ZNF385D: variants seen among roughly 807,000 people sequenced by gnomAD.
ZNF385D encodes the protein zinc finger protein 659.
A neutral mutation model predicts 35.8 loss-of-function variants in ZNF385D; 15 were observed. The observed-to-expected ratio is 0.42, with a 90% confidence interval of 0.28 to 0.64. The LOEUF (loss-of-function observed/expected upper bound fraction) is 0.64, where lower values mean the gene tolerates loss of function less well. ZNF385D is among the 30% of genes least tolerant of loss of function. The pLI, the probability that ZNF385D is intolerant of heterozygous loss-of-function variation, is 0.23. For missense variants in ZNF385D, 474 were observed against 494.6 expected (o/e 0.96, Z 0.39); for synonymous variants, 212 against 186.8 (o/e 1.13, Z -1.10).
rs558533264 is a variant in ZNF385D, at chr3:21,719,864, A to C, written c.22+31031T>G. On this transcript the variant is annotated intron_variant, in intron 1 of 7. Coordinates refer to ENST00000281523, the MANE Select transcript of ZNF385D (RefSeq NM_024697.3). The stretch of plus-strand genomic sequence containing the variant: ...TTGTTTAAATTCTTTTAAACTAAGA[A>C]GACAAGAACCCAGATAGTACATCAG... Among the ~76,000 whole-genome samples, 6 of 152,356 alleles carry C rather than the reference A, an allele frequency of 3.9e-5. 1 individual carries two copies. Among genetic ancestry groups the C allele is most frequent in the African/African-American group, 1.4e-4 (6 of 41,584 alleles).
chr3:21,570,520 A>G (rs1436753589), intron 2 of ZNF385D, among the ~76,000 whole-genome samples: 4 of 152,208 alleles, frequency 2.6e-5, no homozygotes, highest in Non-Finnish European at 5.9e-5. Context: ...CTTAAACCAA[A>G]GAATAATAAA....
intron 3 of ZNF385D, among the ~76,000 whole-genome samples, chr3:21,538,389 A>C (rs998577665): frequency 6.6e-6 from 1 of 152,194 alleles, no homozygotes; most frequent in African/African-American, 2.4e-5. Flanking sequence ...TTTTGAGAGA[A>C]TATATCTCTC....
At position 21,419,986 on chromosome 3, in the gene ZNF385D, G is replaced by A. The variant is rs1350656269; in HGVS notation, c.*1228C>T. The stretch of plus-strand genomic sequence containing the variant: ...ACTCCACTGGAGAAATAATTGTCGA[G>A]TGGAACTTACCAGTATTTTTTAACA... On this transcript the variant is annotated 3_prime_UTR_variant, in exon 8 of 8. Transcript: ENST00000281523. 1 of 152,072 alleles carries A rather than the reference G, an allele frequency of 6.6e-6. No homozygotes were observed. Among genetic ancestry groups the A allele is most frequent in the Non-Finnish European group, 1.5e-5 (1 of 68,006 alleles). The allele number at this position is 152,072 out of a possible 1,614,324, so 9.4% of individuals were successfully genotyped here.
intron 3 of ZNF385D, among the ~76,000 whole-genome samples, chr3:21,869,705 T>C (rs978008338): frequency 1.3e-5 from 2 of 152,104 alleles, no homozygotes; most frequent in African/African-American, 4.8e-5. Flanking sequence ...AAAAATAAAA[T>C]ATTTTATGAA....
At chr3:21,628,849 C>T (rs2125829982) in intron 2 of ZNF385D, among the ~76,000 whole-genome samples, 1 of 152,160 alleles carries the variant, frequency 6.6e-6, no homozygotes, top group East Asian at 1.9e-4. Flanking sequence ...TACTATGTGC[C>T]AGTGACTCTA....
intron 3 of ZNF385D, among the ~76,000 whole-genome samples, chr3:21,883,272 A>C (rs1167682757): frequency 1.3e-5 from 2 of 151,900 alleles, no homozygotes; most frequent in Non-Finnish European, 2.9e-5. Flanking sequence ...TTGACTTATA[A>C]ACTTAAAGAT....
intron 2 of ZNF385D, among the ~76,000 whole-genome samples, chr3:22,250,727 TAC>T (rs1700019509): frequency 6.6e-6 from 1 of 152,072 alleles, no homozygotes; most frequent in Admixed American, 6.6e-5. Context: ...CTGCCCTGGC[TAC>T]AAAACAGTTA....
intron 2 of ZNF385D, among the ~76,000 whole-genome samples, chr3:22,184,311 C>T (rs1695481743): frequency 6.6e-6 from 1 of 152,140 alleles, no homozygotes; most frequent in Non-Finnish European, 1.5e-5. Context: ...GTCAGGGCAA[C>T]ATGGTGTTTT....
intron 2 of ZNF385D, among the ~76,000 whole-genome samples, chr3:22,228,334 C>G (rs1264282507): frequency 6.6e-6 from 1 of 152,158 alleles, no homozygotes; most frequent in Non-Finnish European, 1.5e-5. Context: ...ACTGCCACCC[C>G]TATCAGCAGG....
chr3:22,350,920 T>A (rs1695886335), intron 2 of ZNF385D, among the ~76,000 whole-genome samples: 4 of 152,062 alleles, frequency 2.6e-5, no homozygotes, highest in South Asian at 4.1e-4. Flanking sequence ...TATTTTTCAC[T>A]TCACTGATGA....
chr3:21,904,381 C>A (rs1462638472), intron 3 of ZNF385D, among the ~76,000 whole-genome samples: 1 of 148,266 alleles, frequency 6.7e-6, no homozygotes, highest in Non-Finnish European at 1.5e-5. Flanking sequence ...ATATATTTTT[C>A]TGCTTGTTTC....
At chr3:22,126,633 GA>G (rs1173418649) in intron 3 of ZNF385D, among the ~76,000 whole-genome samples, 2 of 152,028 alleles carry the variant, frequency 1.3e-5, no homozygotes, top group African/African-American at 4.8e-5. Context: ...TCCGTATTCT[GA>G]GGAGAAAAAA....
At chr3:22,233,924 T>C (rs1046499274) in intron 2 of ZNF385D, among the ~76,000 whole-genome samples, 3 of 152,108 alleles carry the variant, frequency 2.0e-5, no homozygotes, top group Non-Finnish European at 4.4e-5. Context: ...CATTCTTTCC[T>C]TTGTGATAAG....
Position 21,964,412 on chromosome 3 carries a change from TAAA to T in ZNF385D, c.325+204402_325+204404del, listed in dbSNP as rs60635259. ...CTGGCTCTACAGTTGGTCCTTTTTGTAAAAAAAAAAAAAAAAAAAAGAAAAAAA... is the reference window on the plus strand; with the variant it reads ...CTGGCTCTACAGTTGGTCCTTTTTGTAAAAAAAAAAAAAAAAAGAAAAAAA... On this transcript the variant is annotated intron_variant, in intron 3 of 5. Transcript: ENST00000494108. Among the ~76,000 whole-genome samples the T allele has an allele frequency of 5.9e-3, 423 of 71,492 alleles. 9 individuals carry two copies. Among genetic ancestry groups the T allele is most frequent in the African/African-American group, 0.015 (360 of 23,536 alleles). 46.9% of individuals were successfully genotyped at this position (71,492 alleles called of 152,430 possible).
At chr3:22,252,658 G>A (rs1700121902) in intron 2 of ZNF385D, among the ~76,000 whole-genome samples, 1 of 152,048 alleles carries the variant, frequency 6.6e-6, no homozygotes, top group South Asian at 2.1e-4. Context: ...CATCGATAGA[G>A]AAGCAGAGAA....
chr3:21,845,037 A>C (rs1695915446), intron 3 of ZNF385D, among the ~76,000 whole-genome samples: 1 of 151,764 alleles, frequency 6.6e-6, no homozygotes, highest in African/African-American at 2.4e-5. Flanking sequence ...GAAAAAGAAA[A>C]AAGAGAAAAG....
At chr3:21,770,168 T>C (rs1184431684) in intron 3 of ZNF385D, among the ~76,000 whole-genome samples, 1 of 152,152 alleles carries the variant, frequency 6.6e-6, no homozygotes. Context: ...ATTCAGGACA[T>C]AGGCATGCGC....
intron 3 of ZNF385D, among the ~76,000 whole-genome samples, chr3:22,048,096 A>C (rs1258753383): frequency 1.3e-5 from 2 of 151,988 alleles, no homozygotes; most frequent in Non-Finnish European, 2.9e-5. Flanking sequence ...TTATTTGTTT[A>C]CTTACTATTG....
At chr3:22,263,121 CCCT>C (rs958686182) in intron 2 of ZNF385D, among the ~76,000 whole-genome samples, 29 of 152,054 alleles carry the variant, frequency 1.9e-4, no homozygotes, top group Admixed American at 1.8e-3. Context: ...TTCTTGGCTC[CCCT>C]CCTATTGTTA....
Sources: gnomAD v4.1 joint callset for allele counts (sites outside exome capture counted in the v4.1 genomes callset) on GRCh38, gnomAD v4.1.1 for gene constraint, MANE v1.5 for transcripts, NCBI Gene and HGNC (gene_info 2026-07-23, HGNC 2026-07-21) for gene names.